CNTNAP5: variants seen among roughly 807,000 people sequenced by gnomAD.
CNTNAP5 encodes contactin-associated protein-like 5.
In CNTNAP5, 72 loss-of-function variants were observed where a neutral mutation model predicts 150.2. The observed-to-expected ratio is 0.48, with a 90% CI of 0.40 to 0.58. The LOEUF is 0.58. Among genes scored for constraint, CNTNAP5 ranks in the 20% least tolerant of loss-of-function variants. The pLI is 0.00. For synonymous variants in CNTNAP5, 672 were observed against 619.8 expected, an observed-to-expected ratio of 1.08 and a Z score of -1.25; for missense variants, 1,636 against 1,626.2, an observed-to-expected ratio of 1.01 and a Z score of -0.10.
At chr2:124,805,069 C>G (rs1187630577) in intron 19 of CNTNAP5, among the ~76,000 whole-genome samples, 1 of 152,086 alleles carries the variant, frequency 6.6e-6, no homozygotes, top group Non-Finnish European at 1.5e-5. Context: ...AAATACTCCT[C>G]TTTGTAATGA....
chr2:124,063,304 G>T (rs1682062279), intron 1 of CNTNAP5, among the ~76,000 whole-genome samples: 1 of 152,046 alleles, frequency 6.6e-6, no homozygotes, highest in Non-Finnish European at 1.5e-5. Flanking sequence ...ATCTAGTTAT[G>T]TCATCTTAAG....
chr2:124,173,646 C>G (rs1246228808), intron 1 of CNTNAP5, among the ~76,000 whole-genome samples: 1 of 152,206 alleles, frequency 6.6e-6, no homozygotes, highest in African/African-American at 2.4e-5. Flanking sequence ...CTGAAACTAG[C>G]ACAGCTCTGC....
rs2104771823 is a variant in CNTNAP5, at chr2:124,914,363, G to A, written c.*75G>A. The A allele has an allele frequency of 9.2e-7, 1 of 1,087,028 alleles. No individual in the cohort carries two copies. The highest frequency in any genetic ancestry group is 1.3e-6 in the Non-Finnish European group (1 of 741,536). 67.3% of individuals were successfully genotyped at this position (1,087,028 alleles called of 1,614,324 possible). On this transcript the variant is annotated 3_prime_UTR_variant, in exon 24 of 24. Transcript: ENST00000682447. ...CTCCCCCTCTTCTCTCCTGTCTTTT[G>A]ATTTGGTCATTCTCTTTATTTTCTG... is the stretch of plus-strand genomic sequence containing the variant.
chr2:124,295,726 T>C (rs1219080174), intron 3 of CNTNAP5, among the ~76,000 whole-genome samples: 2 of 102,560 alleles, frequency 2.0e-5, no homozygotes, highest in East Asian at 6.1e-4. Flanking sequence ...TTTATGTTTA[T>C]TTCTAAACAA....
intron 3 of CNTNAP5, among the ~76,000 whole-genome samples, chr2:124,297,814 TTATTATTATTATTA>T (rs1558839184): frequency 1.2e-3 from 18 of 15,414 alleles, no homozygotes; most frequent in East Asian, 2.6e-3. Flanking sequence ...CAATTATTTA[TTATTATTATTATTA>T]TTATTATTAT....
chr2:124,491,219 C>G (rs1286193137), intron 7 of CNTNAP5, among the ~76,000 whole-genome samples: 1 of 152,060 alleles, frequency 6.6e-6, no homozygotes, highest in African/African-American at 2.4e-5. Flanking sequence ...CTCTCCATTT[C>G]TCTTACCCTC....
At chr2:124,107,000 G>A (rs1683184626) in intron 1 of CNTNAP5, among the ~76,000 whole-genome samples, 1 of 151,098 alleles carries the variant, frequency 6.6e-6, no homozygotes, top group Non-Finnish European at 1.5e-5. Flanking sequence ...GAATAAAACA[G>A]TTCAGATCAG....
At chr2:124,299,652 C>A (rs921498269) in intron 3 of CNTNAP5, among the ~76,000 whole-genome samples, 1 of 151,974 alleles carries the variant, frequency 6.6e-6, no homozygotes, top group African/African-American at 2.4e-5. Context: ...TGAACATGTG[C>A]GTGCGTGTGT....
rs1678799847 is a variant in CNTNAP5 at position 124,917,765 on chromosome 2, C to A, written c.*3477C>A. Among the ~76,000 whole-genome samples the A allele has an allele frequency of 6.6e-6, 1 of 152,002 alleles. No individual in the cohort carries two copies. Among genetic ancestry groups the A allele is most frequent in the African/African-American group, 2.4e-5 (1 of 41,424 alleles). The stretch of plus-strand genomic sequence containing the variant: ...TTGGGTGAACATATATAAATTACAC[C>A]TTGTTTTTGCCCTTGGGGAGCTCAA... On this transcript the variant is annotated 3_prime_UTR_variant, in exon 24 of 24. Coordinates refer to ENST00000682447, the MANE Select transcript of CNTNAP5 (RefSeq NM_001367498.1).
At position 124,910,076 on chromosome 2, in the gene CNTNAP5, G is replaced by A. The variant is rs1034855252; in HGVS notation, c.3656-1391G>A. On this transcript the variant is annotated intron_variant, in intron 22 of 23. Transcript: ENST00000682447. ...TCTCATGTTGATTTGTTTCTGCTCC[G>A]ATTTCAAGAGTCCTAGGAAAAGGCC... Among the ~76,000 whole-genome samples, 16 of 151,434 alleles carry A rather than the reference G, an allele frequency of 1.1e-4. 1 individual carries two copies. The highest frequency in any genetic ancestry group is 3.4e-4 in the African/African-American group (14 of 41,198).
chr2:124,209,216 C>T (rs376632369), intron 1 of CNTNAP5, among the ~76,000 whole-genome samples: 62 of 152,128 alleles, frequency 4.1e-4, no homozygotes, highest in Non-Finnish European at 6.2e-4. Flanking sequence ...CCAACTTGTT[C>T]GGAGTTTTGA....
intron 3 of CNTNAP5, among the ~76,000 whole-genome samples, chr2:124,328,089 A>G (rs546393077): frequency 6.6e-6 from 1 of 152,226 alleles, no homozygotes; most frequent in African/African-American, 2.4e-5. Context: ...AGAGCTACAG[A>G]AAGAAGAAAA....
intron 13 of CNTNAP5, among the ~76,000 whole-genome samples, chr2:124,732,502 T>A (rs1680293166): frequency 6.6e-6 from 1 of 152,092 alleles, no homozygotes; most frequent in Admixed American, 6.6e-5. Context: ...CCCTAAGCCC[T>A]TCTACCTCGC....
In CNTNAP5 at chr2:124,660,039, G is replaced by GA. The variant is rs761525551; in HGVS notation, c.2077+12083dup. Among the ~76,000 whole-genome samples, 234 of 117,820 alleles carry GA rather than the reference G, an allele frequency of 2.0e-3. 1 individual carries two copies. The highest frequency in any genetic ancestry group is 7.7e-3 in the African/African-American group (229 of 29,898). 77.3% of individuals were successfully genotyped at this position (117,820 alleles called of 152,430 possible). A position where few individuals can be genotyped will look rare whatever the true frequency, so the allele number is the denominator to read the frequency against. ...AGGAAGAAAGGAGGAAGGAAGGAAG[G>GA]AAGAAAGGAAGGAAGGAAGGAAGGA... On this transcript the variant is annotated intron_variant, in intron 13 of 23. Coordinates refer to ENST00000682447, the MANE Select transcript of CNTNAP5 (RefSeq NM_001367498.1).
At position 124,914,180 on chromosome 2, in the gene CNTNAP5, G is replaced by A. The variant is rs201958968; in HGVS notation, c.3816G>A (p.Thr1272=). ...FLYQHKQSHR[T]SQMKEKEYPE... Reference sequence around the variant, plus strand: ...ACCAGCACAAGCAGTCACATCGTACGAGCCAGATGAAGGAGAAGGAATATC... The same window carrying A: ...ACCAGCACAAGCAGTCACATCGTACAAGCCAGATGAAGGAGAAGGAATATC... The change falls in exon 24 of 24, where the codon ACG becomes ACA. Residue 1272 remains threonine (T), a synonymous_variant. Coordinates refer to ENST00000682447, the MANE Select transcript of CNTNAP5 (RefSeq NM_001367498.1). The A allele has an allele frequency of 1.1e-5, 18 of 1,612,426 alleles. No homozygotes were observed. The highest frequency in any genetic ancestry group is 8.0e-5 in the African/African-American group (6 of 74,924).
intron 14 of CNTNAP5, among the ~76,000 whole-genome samples, chr2:124,760,513 T>C (rs886158853): frequency 1.3e-5 from 2 of 152,084 alleles, no homozygotes; most frequent in East Asian, 1.9e-4. Context: ...ATTCAGATAT[T>C]TAAACTTAGA....
At chr2:124,198,097 G>C (rs1469313895) in intron 1 of CNTNAP5, among the ~76,000 whole-genome samples, 1 of 151,882 alleles carries the variant, frequency 6.6e-6, no homozygotes, top group Non-Finnish European at 1.5e-5. Flanking sequence ...GTCAATATGG[G>C]GGGTGTGAAA....
intron 1 of CNTNAP5, among the ~76,000 whole-genome samples, chr2:124,034,574 G>A (rs1435494100): frequency 6.6e-6 from 1 of 152,192 alleles, no homozygotes; most frequent in African/African-American, 2.4e-5. Flanking sequence ...TCTAGGCCTT[G>A]GCCAGTGAAA....
intron 3 of CNTNAP5, among the ~76,000 whole-genome samples, chr2:124,281,841 C>A (rs1688020629): frequency 6.6e-6 from 1 of 152,182 alleles, no homozygotes; most frequent in Admixed American, 6.5e-5. Context: ...TCCTCAGGCT[C>A]AGGCCGAACA....
Sources: gnomAD v4.1 joint callset for allele counts (sites outside exome capture counted in the v4.1 genomes callset) on GRCh38, gnomAD v4.1.1 for gene constraint, MANE v1.5 for transcripts, NCBI Gene and HGNC (gene_info 2026-07-23, HGNC 2026-07-21) for gene names.